The following ZMAT4 variants were observed in gnomAD, a reference collection of about 807,000 sequenced individuals.
ZMAT4 encodes zinc finger matrin-type 4.
ZMAT4 carries 17 observed loss-of-function variants against 28.7 expected under a neutral mutation model. The ratio of observed to expected loss-of-function variants is 0.59; its 90% CI spans 0.41 to 0.89. The LOEUF is 0.89. Ranked by LOEUF, ZMAT4 falls within the 40% of genes least tolerant of loss-of-function variation. ZMAT4 has a pLI of 0.00. For missense variants in ZMAT4, 240 were observed against 283.8 expected (o/e 0.85, Z 1.11); for synonymous variants, 117 against 109.2 (o/e 1.07, Z -0.44).
chr8:40,698,774 G>A (rs1810003412), intron 3 of ZMAT4, among the ~76,000 whole-genome samples: 2 of 152,160 alleles, frequency 1.3e-5, no homozygotes, highest in East Asian at 3.9e-4. Context: ...TTGGAAGGAA[G>A]GGGTTGTGTG....
chr8:40,731,360 G>A (rs2074801747), intron 3 of ZMAT4, among the ~76,000 whole-genome samples: 1 of 152,038 alleles, frequency 6.6e-6, no homozygotes, highest in Non-Finnish European at 1.5e-5. Flanking sequence ...AAAGACCTGA[G>A]AAGACTTTAA....
chr8:40,752,267 T>C (rs1325899277), intron 3 of ZMAT4, among the ~76,000 whole-genome samples: 1 of 152,194 alleles, frequency 6.6e-6, no homozygotes, highest in Non-Finnish European at 1.5e-5. Context: ...GCAGGGTGCC[T>C]CTAGCCTGTG....
chr8:40,737,830 A>G (rs910849619), intron 3 of ZMAT4, among the ~76,000 whole-genome samples: 1 of 151,838 alleles, frequency 6.6e-6, no homozygotes, highest in African/African-American at 2.4e-5. Flanking sequence ...TTTTTAATGA[A>G]GAGGATAATA....
At chr8:40,596,736 A>T (rs1805118962) in intron 5 of ZMAT4, among the ~76,000 whole-genome samples, 1 of 152,204 alleles carries the variant, frequency 6.6e-6, no homozygotes, top group South Asian at 2.1e-4. Context: ...CATATTTGTG[A>T]ATTTGTCTAC....
chr8:40,671,916 T>A (rs1015337166), intron 5 of ZMAT4, among the ~76,000 whole-genome samples: 25 of 152,214 alleles, frequency 1.6e-4, no homozygotes, highest in Non-Finnish European at 3.1e-4. Context: ...ATGTAAGATT[T>A]CAGGTGATTT....
At chr8:40,557,471 G>A (rs1158524113) in intron 6 of ZMAT4, among the ~76,000 whole-genome samples, 1 of 152,082 alleles carries the variant, frequency 6.6e-6, no homozygotes, top group Non-Finnish European at 1.5e-5. Flanking sequence ...TATCATGCAA[G>A]TGTCCGTCTT....
intron 6 of ZMAT4, among the ~76,000 whole-genome samples, chr8:40,556,607 A>T (rs1414754436): frequency 6.6e-6 from 1 of 152,114 alleles, no homozygotes; most frequent in East Asian, 1.9e-4. Context: ...CTTAAATGTT[A>T]TTTCTGTTCC....
chr8:40,766,910 GCCT>G (rs1289674251), intron 3 of ZMAT4, among the ~76,000 whole-genome samples: 1 of 152,218 alleles, frequency 6.6e-6, no homozygotes, highest in African/African-American at 2.4e-5. Context: ...TACGCCTGCA[GCCT>G]CCTCTTAACT....
chr8:40,614,045 C>A lies in ZMAT4; in HGVS notation c.578-32784G>T, dbSNP rs78133818. On this transcript the variant is annotated intron_variant, in intron 5 of 6. Coordinates refer to ENST00000297737, the MANE Select transcript of ZMAT4 (RefSeq NM_024645.3). ...ACTGAGTGACAACCTTGCTGGGTCA[C>A]CTTCTGTGTCATCTTGCAGCTCATC... Among the ~76,000 whole-genome samples the A allele has an allele frequency of 1.5e-3, 232 of 152,304 alleles. 2 individuals carry two copies. Among genetic ancestry groups the A allele is most frequent in the African/African-American group, 5.3e-3 (220 of 41,570 alleles).
At chr8:40,671,631 G>GA (rs775194419) in intron 5 of ZMAT4, among the ~76,000 whole-genome samples, 2 of 152,108 alleles carry the variant, frequency 1.3e-5, no homozygotes, top group African/African-American at 4.8e-5. Flanking sequence ...AATCTATGAT[G>GA]AAAAAATGAG....
chr8:40,887,430 A>T (rs547601191), intron 1 of ZMAT4, among the ~76,000 whole-genome samples: 1 of 151,630 alleles, frequency 6.6e-6, no homozygotes, highest in Non-Finnish European at 1.5e-5. Context: ...CAGAGGTTGC[A>T]GTGAGCTGAG....
At position 40,883,984 on chromosome 8, in the gene ZMAT4, T is replaced by C. The variant is rs77173778; in HGVS notation, c.-5+13699A>G. Among the ~76,000 whole-genome samples the C allele has an allele frequency of 1.4e-3, 209 of 152,288 alleles. 2 individuals carry two copies. Among genetic ancestry groups the C allele is most frequent in the African/African-American group, 4.8e-3 (198 of 41,566 alleles). On this transcript the variant is annotated intron_variant, in intron 1 of 6. Coordinates refer to ENST00000297737, the MANE Select transcript of ZMAT4 (RefSeq NM_024645.3). Reference sequence around the variant, plus strand: ...GCAGTGAAAAGCTCAAGTGATAGCATCGGCAGAAACCTTTTAATTTTGATT... The same window carrying C: ...GCAGTGAAAAGCTCAAGTGATAGCACCGGCAGAAACCTTTTAATTTTGATT...
chr8:40,726,359 T>C (rs1344505723), intron 3 of ZMAT4, among the ~76,000 whole-genome samples: 1 of 152,228 alleles, frequency 6.6e-6, no homozygotes, highest in Non-Finnish European at 1.5e-5. Context: ...CAGAGGAGTG[T>C]AGCCAAACAT....
At chr8:40,622,549 C>T (rs2118695605) in intron 5 of ZMAT4, among the ~76,000 whole-genome samples, 1 of 152,328 alleles carries the variant, frequency 6.6e-6, no homozygotes, top group Non-Finnish European at 1.5e-5. Flanking sequence ...AGGGGATTAT[C>T]TTTGTTTGTT....
intron 5 of ZMAT4, among the ~76,000 whole-genome samples, chr8:40,603,239 T>G (rs545907361): frequency 6.6e-6 from 1 of 152,340 alleles, no homozygotes; most frequent in Non-Finnish European, 1.5e-5. Context: ...GCTGTGAATA[T>G]TTGGCTTTAT....
intron 2 of ZMAT4, among the ~76,000 whole-genome samples, chr8:40,818,745 G>A (rs551692166): frequency 6.6e-6 from 1 of 152,308 alleles, no homozygotes; most frequent in African/African-American, 2.4e-5. Flanking sequence ...GCAGTGCTGG[G>A]TGGTGCTGAC....
intron 2 of ZMAT4, among the ~76,000 whole-genome samples, chr8:40,813,252 C>T (rs997218180): frequency 2.0e-5 from 3 of 152,122 alleles, no homozygotes; most frequent in African/African-American, 7.2e-5. Flanking sequence ...TATCAAACCT[C>T]ATGAATTAGT....
chr8:40,602,278 G>C (rs1404120617), intron 5 of ZMAT4, among the ~76,000 whole-genome samples: 1 of 152,144 alleles, frequency 6.6e-6, no homozygotes, highest in Non-Finnish European at 1.5e-5. Flanking sequence ...ATAGGCACTT[G>C]GGCTGGTTCC....
chr8:40,869,209 A>G (rs781100455), intron 1 of ZMAT4, among the ~76,000 whole-genome samples: 7 of 152,156 alleles, frequency 4.6e-5, no homozygotes, highest in Non-Finnish European at 1.0e-4. Flanking sequence ...GACAACCTTC[A>G]TCTTCATCAA....
Sources: allele counts gnomAD v4.1 joint callset (sites outside exome capture counted in the v4.1 genomes callset), GRCh38; gene constraint gnomAD v4.1.1; transcripts MANE v1.5; gene names NCBI Gene and HGNC (gene_info 2026-07-23, HGNC 2026-07-21).